Variants in PEMT observed in about 807,000 individuals in gnomAD.
The protein encoded by PEMT is phospholipid methyltransferase.
A neutral mutation model predicts 27.4 loss-of-function variants in PEMT; 23 were observed. That is an observed-to-expected ratio of 0.84 (90% CI 0.60 to 1.19). The LOEUF is 1.19. Ranked by LOEUF, PEMT falls within the 50% of genes most tolerant of loss-of-function variation. PEMT has a pLI of 0.00. For missense variants in PEMT, 307 were observed against 310.1 expected (o/e 0.99, Z 0.07); for synonymous variants, 137 against 139.1 (o/e 0.98, Z 0.11).
chr17:17,568,669 G>C (rs1183779601), intron 2 of PEMT, among the ~76,000 whole-genome samples: 1 of 152,174 alleles, frequency 6.6e-6, no homozygotes, highest in African/African-American at 2.4e-5. Context: ...GGATCCCTTG[G>C]GGCACTCAGA....
intron 4 of PEMT, among the ~76,000 whole-genome samples, chr17:17,510,997 G>A (rs1906342542): frequency 6.6e-6 from 1 of 152,070 alleles, no homozygotes; most frequent in African/African-American, 2.4e-5. Context: ...CCCCACCTCT[G>A]ATCCTGGCTC....
intron 2 of PEMT, among the ~76,000 whole-genome samples, chr17:17,539,426 C>G (rs929889483): frequency 6.6e-6 from 1 of 152,212 alleles, no homozygotes; most frequent in Non-Finnish European, 1.5e-5. Context: ...TTTCCCTCCT[C>G]AAGTGTCACA....
At chr17:17,539,926 C>T (rs577706035) in intron 2 of PEMT, among the ~76,000 whole-genome samples, 4 of 152,314 alleles carry the variant, frequency 2.6e-5, no homozygotes, top group Admixed American at 6.5e-5. Flanking sequence ...AGACTGACCA[C>T]GCAGGTGGCA....
At chr17:17,511,065 A>T (rs1051637121) in intron 4 of PEMT, among the ~76,000 whole-genome samples, 3 of 151,962 alleles carry the variant, frequency 2.0e-5, no homozygotes, top group African/African-American at 4.8e-5. Context: ...CTCTCTGGGG[A>T]TGGAGCCTCA....
intron 3 of PEMT, among the ~76,000 whole-genome samples, chr17:17,516,397 A>G (rs1288279682): frequency 6.6e-6 from 1 of 151,884 alleles, no homozygotes; most frequent in Admixed American, 6.6e-5. Flanking sequence ...ATAACACGTC[A>G]CCTTTCCAAA....
At position 17,513,594 on chromosome 17, in the gene PEMT, GA is replaced by G. The variant is rs1906577946; in HGVS notation, c.321-941del. On this transcript the variant is annotated intron_variant, in intron 3 of 6. Transcript: ENST00000255389. The surrounding 1 kb of genome is among the most constrained non-coding windows in gnomAD (Gnocchi z 4.1). ...CGAGACTTAGTATCAAAAGAAAAAA[GA>G]AAAAAAGAAAAGGCAGTGGCGTGAC... Among the ~76,000 whole-genome samples, 1 of 151,972 alleles carries G rather than the reference GA, an allele frequency of 6.6e-6. No homozygotes were observed.
chr17:17,567,868 C>A (rs982164543), intron 2 of PEMT, among the ~76,000 whole-genome samples: 1 of 152,258 alleles, frequency 6.6e-6, no homozygotes, highest in Non-Finnish European at 1.5e-5. Context: ...CCCGCAAGTG[C>A]AAGAGGCCCT....
In PEMT at chr17:17,506,227, T is replaced by A; in HGVS notation, c.653A>T (p.Glu218Val). The A allele has an allele frequency of 1.3e-6, 2 of 1,568,398 alleles. No individual in the cohort carries two copies. The highest frequency in any genetic ancestry group is 2.3e-5 in the South Asian group (2 of 85,560). Residue 218 changes from glutamate to valine, a missense_variant and splice_region_variant, in exon 6 of 7, where the codon GAG becomes GTG. Glu to Val is a moderately radical substitution (Grantham distance 121). Coordinates refer to ENST00000255389, the MANE Select transcript of PEMT (RefSeq NM_148172.3). ...CCCACCCGCCGCAGCCCCTACTCAC[T>A]CTTCGTATAGGAGAGCCACTATGTA... is the stretch of plus-strand genomic sequence containing the variant. ...LTYIVALLYE[E>V]PFTAEIYRQK... is the part of the protein sequence containing the mutation.
intron 2 of PEMT, among the ~76,000 whole-genome samples, chr17:17,533,668 A>G (rs1908259907): frequency 6.6e-6 from 1 of 152,146 alleles, no homozygotes; most frequent in Non-Finnish European, 1.5e-5. Flanking sequence ...AGCAATTAGA[A>G]TGCTCACTCC....
intron 3 of PEMT, among the ~76,000 whole-genome samples, chr17:17,515,956 G>A (rs1229667241): frequency 2.0e-5 from 3 of 152,142 alleles, no homozygotes; most frequent in Non-Finnish European, 4.4e-5. Flanking sequence ...AGGTGGGGAG[G>A]GGGCATCACT....
intron 2 of PEMT, among the ~76,000 whole-genome samples, chr17:17,526,831 T>C (rs960292352): frequency 5.3e-5 from 8 of 152,168 alleles, no homozygotes; most frequent in African/African-American, 1.9e-4. Flanking sequence ...ACACTCAGCG[T>C]TTTTCACATA....
intron 2 of PEMT, among the ~76,000 whole-genome samples, chr17:17,529,654 G>A (rs1907947606): frequency 6.6e-6 from 1 of 152,196 alleles, no homozygotes; most frequent in Admixed American, 6.5e-5. Context: ...AGGGGCCATG[G>A]CACAGCGGGG....
chr17:17,515,378 G>A (rs1267802972), intron 3 of PEMT, among the ~76,000 whole-genome samples: 2 of 152,212 alleles, frequency 1.3e-5, no homozygotes, highest in East Asian at 1.9e-4. Context: ...GCCAGGGAGC[G>A]GGTGGGAGAG....
At chr17:17,546,646 G>A (rs28449566) in intron 2 of PEMT, among the ~76,000 whole-genome samples, 257 of 152,302 alleles carry the variant, frequency 1.7e-3, no homozygotes, top group African/African-American at 6.0e-3. Context: ...GCTCACAGGC[G>A]CCTGCCTTCG....
At chr17:17,511,724 G>A (rs1906414077) in intron 4 of PEMT, among the ~76,000 whole-genome samples, 1 of 152,238 alleles carries the variant, frequency 6.6e-6, no homozygotes, top group Non-Finnish European at 1.5e-5. Context: ...TGCTCACTGG[G>A]AGGGGCTCCC....
rs765857753 is a variant in PEMT at position 17,523,113 on chromosome 17, G to A, written c.205-718C>T. 6.6e-5 allele frequency among the ~76,000 whole-genome samples: 10 copies of A among 152,124 alleles called. No homozygotes were observed. Among genetic ancestry groups the A allele is most frequent in the Non-Finnish European group, 1.2e-4 (8 of 68,030 alleles). ...CACAGTCCTGAGCTGGTTATCGCCC[G>A]GGCCTGGCCCAGCACACTGAGGAAG... On this transcript the variant is annotated intron_variant, in intron 2 of 6. Transcript: ENST00000255389. The surrounding 1 kb of genome is among the most constrained non-coding windows in gnomAD (Gnocchi z 4.8).
chr17:17,525,917 C>T (rs927665887), intron 2 of PEMT, among the ~76,000 whole-genome samples: 11 of 152,158 alleles, frequency 7.2e-5, no homozygotes, highest in African/African-American at 2.7e-4. Context: ...CCGCTTGAAC[C>T]CGGGAGGCAG....
chr17:17,524,802 C>T, intron 2 of PEMT, among the ~76,000 whole-genome samples: 1 of 151,990 alleles, frequency 6.6e-6, no homozygotes, highest in Non-Finnish European at 1.5e-5. Context: ...GTCTGCATTT[C>T]CCTAATGATA....
intron 2 of PEMT, among the ~76,000 whole-genome samples, chr17:17,542,844 G>A (rs957889236): frequency 3.9e-5 from 6 of 152,320 alleles, no homozygotes; most frequent in African/African-American, 9.6e-5. Flanking sequence ...TTCGGCCACC[G>A]TTGCAGGAGC....
Sources: gnomAD v4.1 joint callset for allele counts (sites outside exome capture counted in the v4.1 genomes callset) on GRCh38, gnomAD v4.1.1 for gene constraint, Gnocchi (gnomAD v3.1) non-coding constraint, MANE v1.5 for transcripts, NCBI Gene and HGNC (gene_info 2026-07-23, HGNC 2026-07-21) for gene names.